OVCH1: variants seen among roughly 807,000 people sequenced by gnomAD.
OVCH1 encodes the protein ovochymase 1, also known as ovochymase-1.
OVCH1 carries 139 observed loss-of-function variants against 138.4 expected under a neutral mutation model. The ratio of observed to expected loss-of-function variants is 1.00; its 90% CI spans 0.87 to 1.16. The LOEUF (loss-of-function observed/expected upper bound fraction) is 1.16. Ranked by LOEUF, OVCH1 falls within the 50% of genes most tolerant of loss-of-function variation. OVCH1 has a pLI of 0.00. For synonymous variants in OVCH1, 453 were observed against 467.8 expected (o/e 0.97, Z 0.41); for missense variants, 1,367 against 1,357.9 (o/e 1.01, Z -0.11).
At chr12:29,452,672 A>G (rs976479550) in intron 21 of OVCH1, among the ~76,000 whole-genome samples, 1 of 152,180 alleles carries the variant, frequency 6.6e-6, no homozygotes, top group African/African-American at 2.4e-5. Context: ...CTCCCTCTCT[A>G]TATGAATCCT....
chr12:29,411,794 A>G (rs1345271837), downstream of OVCH1, among the ~76,000 whole-genome samples: 1 of 49,380 alleles, frequency 2.0e-5, no homozygotes, highest in Non-Finnish European at 6.7e-5. Context: ...CTGTTCTCAG[A>G]TATCCAGCTG....
At chr12:29,404,326 A>G in the OVCH1 span, among the ~76,000 whole-genome samples, 1 of 152,186 alleles carries the variant, frequency 6.6e-6, no homozygotes, top group Non-Finnish European at 1.5e-5. Flanking sequence ...GTGGTCTTCC[A>G]GAATCTCCCT....
At chr12:29,444,233 C>G (rs201005460) in exon 24 of OVCH1, 21 of 1,612,284 alleles carry the variant, frequency 1.3e-5, no homozygotes, top group Admixed American at 1.7e-5. Flanking sequence ...ACCAAGTGCT[C>G]TCTGTTTGAA....
At position 29,464,492 on chromosome 12, in the gene OVCH1, C is replaced by A. The variant is rs1382208613; in HGVS notation, c.2125+15G>T. ...ACAACTGGCATTAATGTTTATGCAA[C>A]AAAAATATGCTTACCTGCACTGATG... On this transcript the variant is annotated intron_variant, in intron 18 of 27. Coordinates refer to ENST00000318184, the Ensembl canonical transcript of OVCH1. 6.2e-7 allele frequency: 1 copy of A among 1,611,234 alleles called. No individual in the cohort carries two copies. The highest frequency in any genetic ancestry group is 8.5e-7 in the Non-Finnish European group (1 of 1,178,618).
downstream of OVCH1, among the ~76,000 whole-genome samples, chr12:29,409,734 T>G (rs974476630): frequency 3.9e-4 from 60 of 152,272 alleles, no homozygotes; most frequent in African/African-American, 1.3e-3. Context: ...CCAATTATGT[T>G]GTCAATTTTG....
At chr12:29,424,543 A>G (rs1941151746), downstream of OVCH1, among the ~76,000 whole-genome samples, 1 of 152,182 alleles carries the variant, frequency 6.6e-6, no homozygotes, top group Non-Finnish European at 1.5e-5. Flanking sequence ...AAAAACAGAG[A>G]GGTGTAGGGG....
chr12:29,424,040 T>C (rs988664769), downstream of OVCH1, among the ~76,000 whole-genome samples: 5 of 151,990 alleles, frequency 3.3e-5, no homozygotes, highest in African/African-American at 7.2e-5. Flanking sequence ...CACAGAAATA[T>C]AGAGGTGTGG....
chr12:29,440,646 A>G, intron 25 of OVCH1: 1 of 448,088 alleles, frequency 2.2e-6, no homozygotes. Flanking sequence ...AGTATACATC[A>G]TTTTCATAGA....
chr12:29,476,360 G>C, intron 12 of OVCH1, 61 bp from the exon 13 acceptor site: 1 of 1,360,322 alleles, frequency 7.4e-7, no homozygotes, highest in Admixed American at 1.7e-5. Context: ...AAGCTTAAAG[G>C]GTTTTCCTCT....
intron 19 of OVCH1, among the ~76,000 whole-genome samples, chr12:29,456,743 T>G (rs1171043526): frequency 1.3e-5 from 2 of 152,220 alleles, no homozygotes; most frequent in Non-Finnish European, 2.9e-5. Context: ...TGCATCTGAT[T>G]CAACTTTGTA....
intron 25 of OVCH1, among the ~76,000 whole-genome samples, chr12:29,441,971 A>G (rs1206410927): frequency 1.3e-5 from 2 of 152,030 alleles, no homozygotes; most frequent in African/African-American, 4.8e-5. Context: ...GTCAGGAAAC[A>G]ACAGGTGCTG....
chr12:29,406,199 TAATAA>T, the OVCH1 span, among the ~76,000 whole-genome samples: 46,740 of 151,782 alleles, frequency 0.31, 8,447 homozygotes, highest in Middle Eastern at 0.52. Context: ...AAATATTAGG[TAATAA>T]AATCACTAGA....
At chr12:29,420,080 T>A (rs1941082153) in intron 3 of OVCH1, among the ~76,000 whole-genome samples, 1 of 152,214 alleles carries the variant, frequency 6.6e-6, no homozygotes, top group Non-Finnish European at 1.5e-5. Context: ...CATCATGTGA[T>A]GTTCTCAACC....
intron 3 of OVCH1, among the ~76,000 whole-genome samples, chr12:29,413,975 C>T (rs1286408950): frequency 6.6e-6 from 1 of 150,964 alleles, no homozygotes; most frequent in East Asian, 1.9e-4. Context: ...CCTCTGCCAA[C>T]ATATGTTTTT....
intron 25 of OVCH1, among the ~76,000 whole-genome samples, chr12:29,442,627 TAA>T (rs1241089604): frequency 6.7e-6 from 1 of 148,898 alleles, no homozygotes; most frequent in Non-Finnish European, 1.5e-5. Flanking sequence ...ATAATAATAA[TAA>T]AATAAAAAAA....
rs1941904060 is a variant in OVCH1 at position 29,454,952 on chromosome 12, T to C, written c.2438-19A>G. ...GCAGGACCTGTATTTGGGGAGAACATGTTAAAAATAAAGATGAAAGCCTGA... is the reference window on the plus strand; with the variant it reads ...GCAGGACCTGTATTTGGGGAGAACACGTTAAAAATAAAGATGAAAGCCTGA... On this transcript the variant is annotated intron_variant, in intron 20 of 27. Coordinates refer to ENST00000318184, the Ensembl canonical transcript of OVCH1. The C allele has an allele frequency of 6.4e-7, 1 of 1,574,716 alleles. No homozygotes were observed. The highest frequency in any genetic ancestry group is 1.1e-5 in the South Asian group (1 of 88,542).
intron 16 of OVCH1, among the ~76,000 whole-genome samples, chr12:29,470,922 G>A (rs189015587): frequency 6.6e-5 from 10 of 152,260 alleles, no homozygotes; most frequent in African/African-American, 2.4e-4. Flanking sequence ...TGATGGGTGT[G>A]AGATGGTATC....
chr12:29,414,484 A>AGCTGC (rs1941006339), intron 3 of OVCH1, among the ~76,000 whole-genome samples: 2 of 152,254 alleles, frequency 1.3e-5, no homozygotes, highest in African/African-American at 4.8e-5. Context: ...AGCATTCCAG[A>AGCTGC]AAATAAATCT....
At chr12:29,407,078 G>A in the OVCH1 span, among the ~76,000 whole-genome samples, 1 of 151,948 alleles carries the variant, frequency 6.6e-6, no homozygotes. Context: ...ATTTTTTCAT[G>A]TGTTTTTTGG....
Sources: gnomAD v4.1 joint callset for allele counts (sites outside exome capture counted in the v4.1 genomes callset) on GRCh38, gnomAD v4.1.1 for gene constraint, MANE v1.5 for transcripts, NCBI Gene and HGNC (gene_info 2026-07-23, HGNC 2026-07-21) for gene names.